The following SOS2 variants were observed in gnomAD, a reference collection of about 807,000 sequenced individuals.
SOS2 encodes the protein son of sevenless homolog 2.
In SOS2, 65 loss-of-function variants were observed where a neutral mutation model predicts 148.2. The ratio of observed to expected loss-of-function variants is 0.44; its 90% confidence interval spans 0.36 to 0.54. The LOEUF (loss-of-function observed/expected upper bound fraction) is 0.54. SOS2 is among the 20% of genes least tolerant of loss of function. The pLI is 0.00. For synonymous variants in SOS2, 539 were observed against 537.1 expected (o/e 1.00, Z -0.05); for missense variants, 1,341 against 1,590.2 (o/e 0.84, Z 2.67).
intron 1 of SOS2, among the ~76,000 whole-genome samples, chr14:50,220,736 A>G (rs986412969): frequency 1.3e-5 from 2 of 152,208 alleles, no homozygotes; most frequent in Admixed American, 1.3e-4. Flanking sequence ...GCAGATAAGT[A>G]CAGGCCAAGA....
intron 18 of SOS2, among the ~76,000 whole-genome samples, chr14:50,136,289 T>A (rs1369332595): frequency 6.6e-6 from 1 of 152,220 alleles, no homozygotes; most frequent in Admixed American, 6.5e-5. Flanking sequence ...TTGTCTACAT[T>A]TTAAATTTAT....
In SOS2 at chr14:50,164,804, C is replaced by A. The variant is rs983306209; in HGVS notation, c.1069-3195G>T. On this transcript the variant is annotated intron_variant, in intron 8 of 22. Transcript: ENST00000216373. ...GTTGAAATGCTTCCTCTTGAAGATG[C>A]CTTCTGATTATGCCTTTTCCCTCTT... Among the ~76,000 whole-genome samples the A allele has an allele frequency of 2.0e-5, 3 of 152,094 alleles. No homozygotes were observed. In the East Asian group the frequency reaches 5.8e-4, roughly 29 times the overall value.
intron 1 of SOS2, among the ~76,000 whole-genome samples, chr14:50,208,769 C>T (rs8017367): frequency 0.29 from 44,050 of 152,114 alleles, 6,616 homozygotes; most frequent in Admixed American, 0.4. Context: ...CATTTCTATT[C>T]CACATTATAT....
In SOS2 at chr14:50,119,523, A is replaced by AT. The variant is rs1476238279; in HGVS notation, c.3490-671dup. Among the ~76,000 whole-genome samples, 33 of 151,402 alleles carry AT rather than the reference A, an allele frequency of 2.2e-4. 1 individual carries two copies. The South Asian group carries it at 4.0e-3, about 18-fold the overall frequency. On this transcript the variant is annotated intron_variant, in intron 22 of 22. Coordinates refer to ENST00000216373, the MANE Select transcript of SOS2 (RefSeq NM_006939.4). ...AAAATGTACTTCCAGCCTCTTTTTT[A>AT]TTTTTTTATTTTTATTTTTAGTTTT...
intron 1 of SOS2, among the ~76,000 whole-genome samples, chr14:50,223,492 G>A (rs935613639): frequency 2.0e-5 from 3 of 152,026 alleles, no homozygotes; most frequent in Non-Finnish European, 2.9e-5. Flanking sequence ...GGCCAACATG[G>A]TGAAACCCCG....
chr14:50,199,040 C>T (rs1246811168), intron 4 of SOS2, among the ~76,000 whole-genome samples: 3 of 152,162 alleles, frequency 2.0e-5, no homozygotes, highest in Non-Finnish European at 4.4e-5. Flanking sequence ...GTGGTCCTAG[C>T]TACTCGAGAG....
chr14:50,231,381 C>T lies in SOS2; in HGVS notation c.-98G>A, dbSNP rs938168793. On this transcript the variant is annotated 5_prime_UTR_variant, in exon 1 of 23. Transcript: ENST00000216373. ...GGCCGCCTCGCCTCGCCGGCGGCCG[C>T]CGCCTCCCGCCCGGGCCGAGGCTAC... The T allele has an allele frequency of 3.5e-4, 104 of 296,760 alleles. No individual in the cohort carries two copies. The highest frequency in any genetic ancestry group is 5.0e-4 in the Non-Finnish European group (99 of 199,454). 18.4% of individuals were successfully genotyped at this position (296,760 alleles called of 1,614,324 possible).
intron 21 of SOS2, among the ~76,000 whole-genome samples, chr14:50,122,811 T>C (rs1470006371): frequency 6.6e-6 from 1 of 152,236 alleles, no homozygotes; most frequent in Non-Finnish European, 1.5e-5. Context: ...AACTGGTGAA[T>C]ATAGCAGAAT....
At chr14:50,220,406 A>AAAAAAAAAAAAAAAAAC (rs1887169779) in intron 1 of SOS2, among the ~76,000 whole-genome samples, 1 of 65,828 alleles carries the variant, frequency 1.5e-5, no homozygotes, top group African/African-American at 6.4e-5. Context: ...ACTCCATCTC[A>AAAAAAAAAAAAAAAAAC]AAAAAAAAAA....
intron 1 of SOS2, among the ~76,000 whole-genome samples, chr14:50,209,283 G>GTGTGTGTGTGTGTGTGTGTGTGTA (rs1886783261): frequency 1.1e-5 from 1 of 87,374 alleles, no homozygotes; most frequent in Non-Finnish European, 2.2e-5. Flanking sequence ...TCGTGTGTGT[G>GTGTGTGTGTGTGTGTGTGTGTGTA]TGTGTGTGTG....
chr14:50,181,205 T>A (rs1885724418), intron 6 of SOS2, among the ~76,000 whole-genome samples: 1 of 152,080 alleles, frequency 6.6e-6, no homozygotes, highest in Non-Finnish European at 1.5e-5. Flanking sequence ...TCCCAGCACT[T>A]TGGGAGGCCG....
chr14:50,215,658 T>C (rs888700751), intron 1 of SOS2, among the ~76,000 whole-genome samples: 3 of 152,222 alleles, frequency 2.0e-5, no homozygotes, highest in African/African-American at 7.2e-5. Flanking sequence ...CGCACCAGCA[T>C]GGCACATGTA....
In SOS2 at chr14:50,200,933, A is replaced by G. The variant is rs1274399450; in HGVS notation, c.345+20T>C. ...TTGTTATAAAGAACACCCCCCAACT[A>G]ATGTTTAATCTTTTGTTACCTTCAA... On this transcript the variant is annotated intron_variant, in intron 3 of 22. Coordinates refer to ENST00000216373, the MANE Select transcript of SOS2 (RefSeq NM_006939.4). 1 of 1,610,374 alleles carries G rather than the reference A, an allele frequency of 6.2e-7. No individual in the cohort carries two copies. The highest frequency in any genetic ancestry group is 8.5e-7 in the Non-Finnish European group (1 of 1,177,260).
rs748060354 is a variant in SOS2, at chr14:50,161,475, G to A, written c.1196+7C>T. The A allele has an allele frequency of 1.9e-6, 3 of 1,607,212 alleles. No homozygotes were observed. The African/African-American group carries it at 4.0e-5, about 22-fold the overall frequency. On this transcript the variant is annotated splice_region_variant and intron_variant, in intron 9 of 22. Coordinates refer to ENST00000216373, the MANE Select transcript of SOS2 (RefSeq NM_006939.4). The stretch of plus-strand genomic sequence containing the variant: ...AGGCATTCACGTTTTCAACACTTTG[G>A]AATTACCCAGGTCGACGTCTAGGTG...
chr14:50,126,648 T>G (rs1883689290), intron 21 of SOS2, among the ~76,000 whole-genome samples: 1 of 148,762 alleles, frequency 6.7e-6, no homozygotes, highest in Non-Finnish European at 1.5e-5. Context: ...ATGAAGAAAA[T>G]AAATAGAAGA....
chr14:50,185,846 A>T (rs1885891713), intron 5 of SOS2, among the ~76,000 whole-genome samples: 1 of 152,180 alleles, frequency 6.6e-6, no homozygotes, highest in Non-Finnish European at 1.5e-5. Flanking sequence ...AGCACTTGAA[A>T]TGTAATAACC....
At chr14:50,191,551 G>A (rs1189398905) in intron 4 of SOS2, among the ~76,000 whole-genome samples, 1 of 152,010 alleles carries the variant, frequency 6.6e-6, no homozygotes, top group Non-Finnish European at 1.5e-5. Context: ...TCTGTCAGTG[G>A]GGCCTCCTCT....
chr14:50,168,774 C>G (rs1018035984), intron 8 of SOS2, among the ~76,000 whole-genome samples: 1 of 152,126 alleles, frequency 6.6e-6, no homozygotes, highest in African/African-American at 2.4e-5. Context: ...GAAGGCTGGA[C>G]TAGTGTGACT....
chr14:50,180,711 A>G, intron 6 of SOS2, 29 bp from the exon 7 acceptor site: 1 of 1,235,758 alleles, frequency 8.1e-7, no homozygotes, highest in Non-Finnish European at 1.2e-6. Context: ...AAAAAGCATT[A>G]GGTTTAAAAG....
Sources: gnomAD v4.1 joint callset for allele counts (sites outside exome capture counted in the v4.1 genomes callset) on GRCh38, gnomAD v4.1.1 for gene constraint, MANE v1.5 for transcripts, NCBI Gene and HGNC (gene_info 2026-07-23, HGNC 2026-07-21) for gene names.